FKBP1B: variants seen among roughly 807,000 people sequenced by gnomAD.
The protein encoded by FKBP1B is FKBP prolyl isomerase 1B.
In FKBP1B, 4 loss-of-function variants were observed where a neutral mutation model predicts 13.5. The observed-to-expected ratio is 0.30, with a 90% CI of 0.15 to 0.68. FKBP1B has a LOEUF of 0.68. FKBP1B is among the 30% of genes least tolerant of loss of function. The pLI, the probability that FKBP1B is intolerant of heterozygous loss-of-function variation, is 0.76. For synonymous variants in FKBP1B, 54 were observed against 53.6 expected (o/e 1.01, Z -0.03); for missense variants, 93 against 136.2 (o/e 0.68, Z 1.58).
rs1359102662 is a variant in FKBP1B at position 24,063,531 on chromosome 2, C to G, written c.*339C>G. 7 of 288,784 alleles carry G rather than the reference C, an allele frequency of 2.4e-5. No individual in the cohort carries two copies. The highest frequency in any genetic ancestry group is 1.9e-5 in the Non-Finnish European group (3 of 154,620). 17.9% of individuals were successfully genotyped at this position (288,784 alleles called of 1,614,324 possible). A position where few individuals can be genotyped will look rare whatever the true frequency, so the allele number is the denominator to read the frequency against. ...ACTTAAACCACACACACAAGGTGCT[C>G]AGACATGAAATGTACATGGCGTACC... On this transcript the variant is annotated 3_prime_UTR_variant, in exon 4 of 4. Coordinates refer to ENST00000380986, the MANE Select transcript of FKBP1B (RefSeq NM_004116.5).
chr2:24,063,470 A>AT lies in FKBP1B; in HGVS notation c.*279dup. ...AGCCTTTCCTGATGACAGAACACAG[A>AT]TCTCTTGTTCGCACAATCTACACTG... On this transcript the variant is annotated 3_prime_UTR_variant, in exon 4 of 4. Coordinates refer to ENST00000380986, the MANE Select transcript of FKBP1B (RefSeq NM_004116.5). The AT allele has an allele frequency of 2.8e-6, 1 of 358,512 alleles. No individual in the cohort carries two copies. The highest frequency in any genetic ancestry group is 5.0e-6 in the Non-Finnish European group (1 of 199,894). The allele number at this position is 358,512 out of a possible 1,614,324, so 22.2% of individuals were successfully genotyped here.
At chr2:24,054,206 C>T (rs913292323) in intron 2 of FKBP1B, 6 of 652,858 alleles carry the variant, frequency 9.2e-6, no homozygotes, top group East Asian at 2.8e-5. Context: ...AGTCAAACAC[C>T]TTCAGTCCCC....
At chr2:24,060,203 G>T (rs1434180503) in intron 2 of FKBP1B, among the ~76,000 whole-genome samples, 1 of 152,166 alleles carries the variant, frequency 6.6e-6, no homozygotes, top group East Asian at 1.9e-4. Flanking sequence ...GACCAGTTAG[G>T]AGGTTGTTCC....
chr2:24,037,189 A>C, the FKBP1B span, among the ~76,000 whole-genome samples: 2 of 152,156 alleles, frequency 1.3e-5, no homozygotes, highest in Non-Finnish European at 2.9e-5. Context: ...TGCCCAGCTA[A>C]TTTTTATATT....
At chr2:24,049,680 C>G, upstream of FKBP1B, 1 of 437,604 alleles carries the variant, frequency 2.3e-6, no homozygotes, top group Non-Finnish European at 3.8e-6. Flanking sequence ...GCCCCGCCGC[C>G]CCCTTGCCAG....
intron 1 of FKBP1B, among the ~76,000 whole-genome samples, chr2:24,051,817 C>T (rs1663890814): frequency 2.0e-5 from 3 of 152,178 alleles, no homozygotes; most frequent in Non-Finnish European, 4.4e-5. Flanking sequence ...ATAGAGTCCT[C>T]TAAATATCGG....
intron 1 of FKBP1B, among the ~76,000 whole-genome samples, chr2:24,052,396 C>T (rs1310335220): frequency 6.6e-6 from 1 of 152,186 alleles, no homozygotes; most frequent in Non-Finnish European, 1.5e-5. Context: ...TCCTCCCTCC[C>T]TTCTTTCCAG....
the FKBP1B span, among the ~76,000 whole-genome samples, chr2:24,034,572 A>C: frequency 8.1e-6 from 1 of 122,832 alleles, no homozygotes; most frequent in African/African-American, 2.8e-5. Flanking sequence ...AGGGCAACAA[A>C]ACTTTTTTTT....
chr2:24,042,064 A>C, the FKBP1B span, among the ~76,000 whole-genome samples: 2 of 152,132 alleles, frequency 1.3e-5, no homozygotes, highest in African/African-American at 2.4e-5. Flanking sequence ...AATGGATATA[A>C]GAATAAAATG....
At chr2:24,042,217 C>T in the FKBP1B span, among the ~76,000 whole-genome samples, 1 of 151,952 alleles carries the variant, frequency 6.6e-6, no homozygotes, top group African/African-American at 2.4e-5. Flanking sequence ...GCCTGACCAA[C>T]GTGGAGAAAC....
upstream of FKBP1B, among the ~76,000 whole-genome samples, chr2:24,047,161 T>TC (rs1208253010): frequency 6.6e-6 from 1 of 151,048 alleles, no homozygotes; most frequent in Non-Finnish European, 1.5e-5. Context: ...CCGCGACCCC[T>TC]CACACGCGGC....
the FKBP1B span, among the ~76,000 whole-genome samples, chr2:24,042,303 C>G: frequency 3.3e-5 from 5 of 151,760 alleles, no homozygotes; most frequent in African/African-American, 1.2e-4. Flanking sequence ...TTTGGGAGGC[C>G]GAGGCAGGCG....
intron 2 of FKBP1B, among the ~76,000 whole-genome samples, chr2:24,057,527 C>G (rs560442219): frequency 6.6e-6 from 1 of 152,286 alleles, no homozygotes; most frequent in South Asian, 2.1e-4. Flanking sequence ...GCATGCGCCA[C>G]CACGCCTGGA....
rs182840277 is a variant in FKBP1B at position 24,057,925 on chromosome 2, G to A, written c.86-2889G>A. 8.2e-4 allele frequency among the ~76,000 whole-genome samples: 125 copies of A among 152,090 alleles called. 1 individual carries two copies. The highest frequency in any genetic ancestry group is 6.2e-3 in the Admixed American group (94 of 15,282). On this transcript the variant is annotated intron_variant, in intron 2 of 3. Transcript: ENST00000380986. ...AATCTTTGTCTGTCAGGCCAGGTGCGGTGGCTCCTGCCTATAATCCCAGCA... is the reference window on the plus strand; with the variant it reads ...AATCTTTGTCTGTCAGGCCAGGTGCAGTGGCTCCTGCCTATAATCCCAGCA...
chr2:24,056,492 C>T (rs1211810680), intron 2 of FKBP1B, among the ~76,000 whole-genome samples: 2 of 151,250 alleles, frequency 1.3e-5, no homozygotes, highest in African/African-American at 2.4e-5. Context: ...TACAGGTGCG[C>T]ACCACCACAC....
chr2:24,045,691 G>A (rs1461398628), upstream of FKBP1B: 1 of 151,302 alleles, frequency 6.6e-6, no homozygotes, highest in Non-Finnish European at 1.5e-5. Flanking sequence ...AGGAAAGGAA[G>A]GGCAGGCACA....
intron 3 of FKBP1B, among the ~76,000 whole-genome samples, chr2:24,061,931 G>T (rs192324962): frequency 6.6e-6 from 1 of 152,002 alleles, no homozygotes; most frequent in African/African-American, 2.4e-5. Context: ...CTGCAGTGGC[G>T]CAATCTTGGC....
chr2:24,063,087 G>T lies in FKBP1B; in HGVS notation c.222G>T (p.Lys74Asn). The T allele has an allele frequency of 6.2e-7, 1 of 1,614,156 alleles. No individual in the cohort carries two copies. The highest frequency in any genetic ancestry group is 8.5e-7 in the Non-Finnish European group (1 of 1,180,004). Residue 74 changes from lysine to asparagine, a missense_variant, in exon 4 of 4, where the codon AAG becomes AAT. Physicochemically the swap from Lys to Asn is moderately conservative, Grantham distance 94 (BLOSUM62 0). Transcript: ENST00000380986. ...AAQMSLGQRA[K>N]LTCTPDVAYG... The stretch of plus-strand genomic sequence containing the variant: ...AGATGAGCTTGGGGCAGAGGGCGAA[G>T]CTGACCTGCACCCCTGATGTGGCAT...
chr2:24,055,569 T>C (rs1664088617), intron 2 of FKBP1B, among the ~76,000 whole-genome samples: 1 of 152,220 alleles, frequency 6.6e-6, no homozygotes, highest in African/African-American at 2.4e-5. Context: ...GAACTTCATC[T>C]TAATGGAACC....
Sources: allele counts gnomAD v4.1 joint callset (sites outside exome capture counted in the v4.1 genomes callset), GRCh38; gene constraint gnomAD v4.1.1; transcripts MANE v1.5; gene names NCBI Gene and HGNC (gene_info 2026-07-23, HGNC 2026-07-21).